RAF1: variants seen among roughly 807,000 people sequenced by gnomAD.
RAF1 encodes Raf-1 proto-oncogene, serine/threonine kinase, also known as RAF proto-oncogene serine/threonine-protein kinase.
A neutral mutation model predicts 81.1 loss-of-function variants in RAF1; 27 were observed. The ratio of observed to expected loss-of-function variants is 0.33; its 90% CI spans 0.25 to 0.46. The LOEUF is 0.46. Ranked by LOEUF, RAF1 falls within the 20% of genes least tolerant of loss-of-function variation. The probability of loss-of-function intolerance (pLI) is 1.00; values close to 1 mark genes in which losing one functional copy is unlikely to be tolerated. For synonymous variants in RAF1, 298 were observed against 294.0 expected (o/e 1.01, Z -0.14); for missense variants, 598 against 826.0 (o/e 0.72, Z 3.38).
At chr3:12,620,003 AC>A (rs1431679956) in intron 1 of RAF1, among the ~76,000 whole-genome samples, 1 of 151,972 alleles carries the variant, frequency 6.6e-6, no homozygotes, top group Non-Finnish European at 1.5e-5. Flanking sequence ...AATGGCGTGA[AC>A]CCGGGAGGCA....
chr3:12,588,786 A>G (rs1336139891), intron 13 of RAF1: 3 of 152,122 alleles, frequency 2.0e-5, no homozygotes, highest in African/African-American at 7.2e-5. Context: ...TATTGTTTGG[A>G]TATCTGTCCA....
At chr3:12,632,897 G>T (rs2059904976) in intron 1 of RAF1, among the ~76,000 whole-genome samples, 1 of 152,144 alleles carries the variant, frequency 6.6e-6, no homozygotes, top group Non-Finnish European at 1.5e-5. Flanking sequence ...GTAAATTAGA[G>T]GATCTCTTGA....
At chr3:12,634,116 G>A (rs1374012905) in intron 1 of RAF1, among the ~76,000 whole-genome samples, 1 of 149,922 alleles carries the variant, frequency 6.7e-6, no homozygotes, top group Non-Finnish European at 1.5e-5. Context: ...TGACATTCAT[G>A]ATTACAAAAA....
intron 2 of RAF1, among the ~76,000 whole-genome samples, chr3:12,617,271 C>G (rs2059398406): frequency 1.3e-5 from 2 of 152,126 alleles, no homozygotes; most frequent in Admixed American, 1.3e-4. Flanking sequence ...CAACACCATG[C>G]CTGGCTGTAA....
chr3:12,641,051 G>A (rs1035746819), intron 1 of RAF1, among the ~76,000 whole-genome samples: 28 of 152,038 alleles, frequency 1.8e-4, no homozygotes, highest in Non-Finnish European at 2.9e-4. Flanking sequence ...GGATGAGTTC[G>A]TGTCCTTTGT....
rs1002140210 is a variant in RAF1, at chr3:12,619,164, G to A, written c.-26-417C>T. On this transcript the variant is annotated intron_variant, in intron 1 of 17. Transcript: ENST00000442415. ...GGAGGCTGAGGCAGGAGAATGGCGG[G>A]AACCTGGGAGGCGGAGCTTGCAGTG... Among the ~76,000 whole-genome samples, 5 of 151,896 alleles carry A rather than the reference G, an allele frequency of 3.3e-5. No homozygotes were observed. The South Asian group carries it at 1.0e-3, about 32-fold the overall frequency.
intron 1 of RAF1, among the ~76,000 whole-genome samples, chr3:12,636,202 C>T (rs1485463912): frequency 6.6e-6 from 1 of 151,428 alleles, no homozygotes; most frequent in East Asian, 2.0e-4. Context: ...AGGAGAATCC[C>T]TTGAACCCGG....
chr3:12,617,584 A>T (rs2059409368), intron 2 of RAF1, among the ~76,000 whole-genome samples: 1 of 152,100 alleles, frequency 6.6e-6, no homozygotes, highest in African/African-American at 2.4e-5. Flanking sequence ...ATTCTTAGAA[A>T]AATTGAAGTT....
At chr3:12,641,480 AT>A (rs1344093714) in intron 1 of RAF1, among the ~76,000 whole-genome samples, 5 of 149,692 alleles carry the variant, frequency 3.3e-5, no homozygotes, top group Admixed American at 6.7e-5. Context: ...CCAAAAAAAA[AT>A]GTTTTTTGGT....
In RAF1 at chr3:12,590,935, G is replaced by A. The variant is rs2125343494; in HGVS notation, c.1293C>T (p.Tyr431=). The A allele has an allele frequency of 1.2e-6, 2 of 1,613,168 alleles. No individual in the cohort carries two copies. Among genetic ancestry groups the A allele is most frequent in the South Asian group, 1.1e-5 (1 of 91,076 alleles). The change falls in exon 13 of 18, where the codon TAC becomes TAT. Residue 431 remains tyrosine (Y), a synonymous_variant. Transcript: ENST00000442415. The stretch of plus-strand genomic sequence containing the variant: ...CAATTGCCAGGTTGTCCTTTGTCAT[G>A]TACCCCATGAAAAGCAGAATGTTCA...
At chr3:12,587,837 C>CATTT in intron 13 of RAF1, 200 bp from the exon 13 acceptor site, 2 of 193,316 alleles carry the variant, frequency 1.0e-5, no homozygotes, top group Non-Finnish European at 1.0e-5. Flanking sequence ...ATGCTTACAC[C>CATTT]TTTTTTTTTT....
chr3:12,658,378 A>G (rs866772824), intron 1 of RAF1, among the ~76,000 whole-genome samples: 29 of 152,158 alleles, frequency 1.9e-4, no homozygotes, highest in African/African-American at 6.8e-4. Context: ...TGAGGCAGGC[A>G]GATCACCTGA....
Position 12,615,243 on chromosome 3 carries a change from T to TAGC in RAF1, c.208-3184_208-3182dup, listed in dbSNP as rs372532407. On this transcript the variant is annotated intron_variant, in intron 2 of 17. Coordinates refer to ENST00000442415, the MANE Select transcript of RAF1 (RefSeq NM_001354689.3). Reference sequence around the variant, plus strand: ...CTTATCTAATAATAATTAGAAGCAGTAGCAGCAGCAGCAATAGCAGCAACA... The same window carrying TAGC: ...CTTATCTAATAATAATTAGAAGCAGTAGCAGCAGCAGCAGCAATAGCAGCAACA... Among the ~76,000 whole-genome samples, 1,155 of 152,302 alleles carry TAGC rather than the reference T, an allele frequency of 7.6e-3. 12 individuals carry two copies. The highest frequency in any genetic ancestry group is 0.026 in the African/African-American group (1,093 of 41,562).
chr3:12,606,360 G>T, intron 5 of RAF1, 61 bp from the exon 6 acceptor site: 1 of 1,289,808 alleles, frequency 7.8e-7, no homozygotes, highest in Non-Finnish European at 1.1e-6. Context: ...GAGACAATCA[G>T]CATGCCTTGC....
Position 12,663,941 on chromosome 3 carries a change from C to T in RAF1, c.-155G>A. The T allele has an allele frequency of 5.0e-6, 2 of 398,398 alleles. No individual in the cohort carries two copies. Among genetic ancestry groups the T allele is most frequent in the East Asian group, 3.6e-5 (1 of 28,062 alleles). The allele number at this position is 398,398 out of a possible 1,614,324, so 24.7% of individuals were successfully genotyped here. The stretch of plus-strand genomic sequence containing the variant: ...CGCGTCCCCAGCCCAGGGGACGGAG[C>T]CCCGAGCAGCCCCCGCATCGTAGCA... On this transcript the variant is annotated 5_prime_UTR_variant, in exon 1 of 18. Transcript: ENST00000442415.
At chr3:12,608,728 C>T (rs2125416165) in intron 5 of RAF1, 38 bp downstream of exon 5, 1 of 1,602,580 alleles carries the variant, frequency 6.2e-7, no homozygotes, top group Non-Finnish European at 8.6e-7. Flanking sequence ...GTATACTCCT[C>T]ATCCCTATCT....
Position 12,609,149 on chromosome 3 carries a change from T to TAC in RAF1, c.423+82_423+83dup, listed in dbSNP as rs1168052457. 5.1e-5 allele frequency: 56 copies of TAC among 1,087,460 alleles called. No individual in the cohort carries two copies. In the East Asian group the frequency reaches 1.3e-3, roughly 25 times the overall value. 67.4% of individuals were successfully genotyped at this position (1,087,460 alleles called of 1,614,324 possible). A position where few individuals can be genotyped will look rare whatever the true frequency, so the allele number is the denominator to read the frequency against. ...TAAACAATCCAACTATATATATATA[T>TAC]ACATACGCATATTACCTGAGAAATC... On this transcript the variant is annotated intron_variant, in intron 4 of 17. Transcript: ENST00000442415.
At chr3:12,608,393 T>C (rs1158749952) in intron 5 of RAF1, 1 of 191,628 alleles carries the variant, frequency 5.2e-6, no homozygotes, top group Admixed American at 5.4e-5. Flanking sequence ...CAAAGGCTCA[T>C]TCAGCATATT....
intron 12 of RAF1, 32 bp from the exon 12 acceptor site, chr3:12,591,006 G>A (rs758841220): frequency 5.0e-5 from 79 of 1,566,988 alleles, no homozygotes; most frequent in Non-Finnish European, 6.3e-5. Context: ...AGGAGAGGGA[G>A]GAGGAAAGTG....
Sources: gnomAD v4.1 joint callset for allele counts (sites outside exome capture counted in the v4.1 genomes callset) on GRCh38, gnomAD v4.1.1 for gene constraint, MANE v1.5 for transcripts, NCBI Gene and HGNC (gene_info 2026-07-23, HGNC 2026-07-21) for gene names.